FMN2: variants seen among roughly 807,000 people sequenced by gnomAD.
The protein encoded by FMN2 is formin-2.
A neutral mutation model predicts 142.3 loss-of-function variants in FMN2; 51 were observed. The observed-to-expected ratio is 0.36, with a 90% CI of 0.29 to 0.45. The LOEUF (loss-of-function observed/expected upper bound fraction) is 0.45. Ranked by LOEUF, FMN2 falls within the 20% of genes least tolerant of loss-of-function variation. The pLI, the probability that FMN2 is intolerant of heterozygous loss-of-function variation, is 1.00. For synonymous variants in FMN2, 882 were observed against 869.8 expected, an observed-to-expected ratio of 1.01 and a Z score of -0.25; for missense variants, 1,936 against 2,122.8, an observed-to-expected ratio of 0.91 and a Z score of 1.73.
intron 15 of FMN2, among the ~76,000 whole-genome samples, chr1:240,417,297 C>T (rs1572286213): frequency 1.3e-5 from 2 of 151,520 alleles, no homozygotes; most frequent in Admixed American, 1.3e-4. Context: ...CAGTGGATGG[C>T]ATCTTATAAT....
At chr1:240,226,962 A>T (rs1558379458) in intron 6 of FMN2, among the ~76,000 whole-genome samples, 1 of 152,152 alleles carries the variant, frequency 6.6e-6, no homozygotes, top group Non-Finnish European at 1.5e-5. Flanking sequence ...CATTCTTGTT[A>T]CTTCTGTTTA....
intron 14 of FMN2, among the ~76,000 whole-genome samples, chr1:240,382,221 A>C (rs988276686): frequency 6.6e-6 from 1 of 152,222 alleles, no homozygotes; most frequent in Non-Finnish European, 1.5e-5. Context: ...AGTCCCATTT[A>C]CAATGGCCAT....
chr1:240,437,028 G>A (rs923336669), intron 15 of FMN2, among the ~76,000 whole-genome samples: 1 of 152,128 alleles, frequency 6.6e-6, no homozygotes, highest in Non-Finnish European at 1.5e-5. Context: ...TATTGGTCAG[G>A]ATTCTTCTCA....
At chr1:240,308,404 A>G (rs753423691) in intron 8 of FMN2, among the ~76,000 whole-genome samples, 1 of 152,168 alleles carries the variant, frequency 6.6e-6, no homozygotes, top group Non-Finnish European at 1.5e-5. Context: ...TCATGTTTCA[A>G]AGCTTGTCCA....
At chr1:240,157,895 A>C (rs956822594) in intron 2 of FMN2, among the ~76,000 whole-genome samples, 1 of 150,606 alleles carries the variant, frequency 6.6e-6, no homozygotes, top group Non-Finnish European at 1.5e-5. Context: ...CTAGCACTTT[A>C]GGAGCCTGAG....
In FMN2 at chr1:240,145,379, G is replaced by A. The variant is rs142804089; in HGVS notation, c.1782+22034G>A. On this transcript the variant is annotated intron_variant, in intron 2 of 17. Coordinates refer to ENST00000319653, the MANE Select transcript of FMN2 (RefSeq NM_020066.5). ...GTCCCATCCTCCCTCCTCCATCTCC[G>A]CTGCCACTGCCCTTTATTTTTTAAT... The A allele has an allele frequency of 1.1e-3, 603 of 546,986 alleles. 3 individuals carry two copies. The highest frequency in any genetic ancestry group is 9.5e-3 in the African/African-American group (505 of 53,272). The allele number at this position is 546,986 out of a possible 1,614,324, so 33.9% of individuals were successfully genotyped here.
chr1:240,354,382 A>G (rs1048953686), intron 13 of FMN2, among the ~76,000 whole-genome samples: 1 of 152,214 alleles, frequency 6.6e-6, no homozygotes, highest in African/African-American at 2.4e-5. Context: ...TATGTAGGTC[A>G]GGTGGTGGCA....
intron 2 of FMN2, among the ~76,000 whole-genome samples, chr1:240,156,786 C>A (rs1664042836): frequency 6.6e-6 from 1 of 152,166 alleles, no homozygotes; most frequent in Non-Finnish European, 1.5e-5. Context: ...GGAATTTGAA[C>A]ATCTACAGGT....
intron 15 of FMN2, among the ~76,000 whole-genome samples, chr1:240,418,170 A>G (rs768364971): frequency 2.0e-5 from 3 of 151,122 alleles, no homozygotes; most frequent in Admixed American, 6.6e-5. Flanking sequence ...TTTGTTTAAT[A>G]GTTGTTTTAA....
intron 16 of FMN2, among the ~76,000 whole-genome samples, chr1:240,447,906 G>T (rs538696628): frequency 1.1e-3 from 162 of 152,314 alleles, no homozygotes; most frequent in South Asian, 2.9e-3. Flanking sequence ...GAAGGAAGAA[G>T]AATTAAGTAG....
At chr1:240,144,141 G>C in intron 2 of FMN2, 1 of 1,301,154 alleles carries the variant, frequency 7.7e-7, no homozygotes, top group Non-Finnish European at 1.1e-6. Flanking sequence ...CATCCCAACA[G>C]ATGCAGCTGC....
intron 16 of FMN2, among the ~76,000 whole-genome samples, chr1:240,466,069 A>G (rs1209278608): frequency 6.6e-6 from 1 of 152,204 alleles, no homozygotes; most frequent in African/African-American, 2.4e-5. Flanking sequence ...CTTAATGTAA[A>G]TGAGCCCAGT....
At chr1:240,123,056 G>A (rs1415216584) in intron 1 of FMN2, 123 bp from the exon 2 acceptor site, 12 of 1,035,838 alleles carry the variant, frequency 1.2e-5, no homozygotes, top group South Asian at 6.6e-5. Context: ...TCCTTTCTGC[G>A]CTGTCAGTAG....
chr1:240,200,380 A>G (rs888788708), intron 4 of FMN2, among the ~76,000 whole-genome samples: 7 of 152,214 alleles, frequency 4.6e-5, no homozygotes, highest in African/African-American at 1.7e-4. Flanking sequence ...TCTGACAAGC[A>G]ATGGAGCTTT....
chr1:240,397,307 G>A (rs1318500357), intron 15 of FMN2, among the ~76,000 whole-genome samples: 1 of 152,004 alleles, frequency 6.6e-6, no homozygotes, highest in African/African-American at 2.4e-5. Context: ...GATTGTTTTT[G>A]CTTGTTGATT....
At chr1:240,228,061 T>G (rs750412057) in intron 6 of FMN2, among the ~76,000 whole-genome samples, 49 of 151,836 alleles carry the variant, frequency 3.2e-4, no homozygotes, top group Non-Finnish European at 5.1e-4. Flanking sequence ...CCCAGCACTT[T>G]GGGAGGCCGA....
intron 15 of FMN2, among the ~76,000 whole-genome samples, chr1:240,412,200 A>G (rs1674421282): frequency 6.6e-6 from 1 of 152,234 alleles, no homozygotes. Flanking sequence ...AGAAAAGCTC[A>G]AGAATAATTA....
chr1:240,227,856 CA>C (rs1246822115), intron 6 of FMN2, among the ~76,000 whole-genome samples: 1 of 152,058 alleles, frequency 6.6e-6, no homozygotes, highest in Non-Finnish European at 1.5e-5. Context: ...TTTGAATCTA[CA>C]AACAATACCA....
intron 14 of FMN2, among the ~76,000 whole-genome samples, chr1:240,361,132 AAT>A (rs1672451065): frequency 1.1e-4 from 4 of 35,710 alleles, no homozygotes; most frequent in Non-Finnish European, 2.5e-4. Context: ...ATAATAAATA[AAT>A]ATATGTGTAT....
Sources: allele counts gnomAD v4.1 joint callset (sites outside exome capture counted in the v4.1 genomes callset), GRCh38; gene constraint gnomAD v4.1.1; transcripts MANE v1.5; gene names NCBI Gene and HGNC (gene_info 2026-07-23, HGNC 2026-07-21).